Variants in SP140L observed in about 807,000 individuals in gnomAD.
SP140L encodes the protein SP140 like nuclear body protein, also known as nuclear body protein SP140-like protein.
In SP140L, 64 loss-of-function variants were observed where a neutral mutation model predicts 84.3. That is an observed-to-expected ratio of 0.76 (90% CI 0.62 to 0.94). SP140L has a LOEUF of 0.94. Ranked by LOEUF, SP140L falls within the 40% of genes least tolerant of loss-of-function variation. SP140L has a pLI of 0.00. For missense variants in SP140L, 628 were observed against 692.5 expected (o/e 0.91, Z 1.05); for synonymous variants, 242 against 236.9 (o/e 1.02, Z -0.20).
chr2:230,330,269 T>A (rs2059690884), intron 2 of SP140L, among the ~76,000 whole-genome samples: 1 of 152,224 alleles, frequency 6.6e-6, no homozygotes, highest in Non-Finnish European at 1.5e-5. Flanking sequence ...AGGACACCAT[T>A]AATTATCTTA....
intron 5 of SP140L, among the ~76,000 whole-genome samples, chr2:230,363,818 A>G (rs2060793605): frequency 6.6e-6 from 1 of 152,074 alleles, no homozygotes. Flanking sequence ...AAATTTAAAT[A>G]TTTAATCCAT....
chr2:230,357,204 A>C (rs1201367070), intron 2 of SP140L, among the ~76,000 whole-genome samples: 2 of 152,232 alleles, frequency 1.3e-5, no homozygotes, highest in Non-Finnish European at 2.9e-5. Flanking sequence ...ATATTAACAC[A>C]AAGCAGAACC....
chr2:230,389,839 C>A (rs973904448), intron 10 of SP140L, 80 bp from the exon 11 acceptor site: 5 of 1,331,096 alleles, frequency 3.8e-6, no homozygotes, highest in Admixed American at 1.9e-5. Flanking sequence ...ACTCTTTGTG[C>A]CTTTATAGGA....
At chr2:230,357,702 T>C (rs2149730300) in intron 2 of SP140L, 103 bp from the exon 3 acceptor site, 3 of 1,140,700 alleles carry the variant, frequency 2.6e-6, no homozygotes, top group Middle Eastern at 2.1e-4. Context: ...ATTTTATATA[T>C]GTTGGTTCTT....
At chr2:230,328,857 A>G in intron 2 of SP140L, 26 bp downstream of exon 2, 1 of 1,601,728 alleles carries the variant, frequency 6.2e-7, no homozygotes, top group Non-Finnish European at 8.5e-7. Flanking sequence ...AATTTGTTTT[A>G]ATTTGTATTT....
chr2:230,369,771 TG>T (rs200754239), intron 5 of SP140L, among the ~76,000 whole-genome samples: 185 of 152,270 alleles, frequency 1.2e-3, no homozygotes, highest in Admixed American at 5.1e-3. Context: ...TTTGTTTGTT[TG>T]TTTTCTTGTT....
At chr2:230,341,024 T>A (rs1345640534) in intron 2 of SP140L, among the ~76,000 whole-genome samples, 4 of 130,026 alleles carry the variant, frequency 3.1e-5, no homozygotes, top group African/African-American at 3.1e-5. Flanking sequence ...ATTTCCTGAA[T>A]CTGAACATTG....
At chr2:230,369,737 A>G (rs763516560) in intron 5 of SP140L, among the ~76,000 whole-genome samples, 6 of 151,836 alleles carry the variant, frequency 4.0e-5, no homozygotes, top group Admixed American at 3.9e-4. Flanking sequence ...ACAAGTTGAA[A>G]CAGTTACTTC....
At chr2:230,395,965 T>C (rs1380237807) in intron 13 of SP140L, among the ~76,000 whole-genome samples, 1 of 152,238 alleles carries the variant, frequency 6.6e-6, no homozygotes, top group African/African-American at 2.4e-5. Flanking sequence ...GCTGTGTCCC[T>C]AGGGGAGCTG....
chr2:230,347,592 C>G (rs907735739), intron 2 of SP140L, among the ~76,000 whole-genome samples: 1 of 152,134 alleles, frequency 6.6e-6, no homozygotes, highest in Non-Finnish European at 1.5e-5. Context: ...TGAGGCTGGG[C>G]AGGGTTACTA....
chr2:230,392,212 C>A lies in SP140L; in HGVS notation c.1090C>A (p.Leu364Ile). ...RLSVRCGGWP[L>I]RRLMEEGSLP... ...GAGTGTGCGCTGTGGCGGGTGGCCC[C>A]TACGACGGCTGATGGAGGTATTCCA... Residue 364 changes from leucine (L) to isoleucine (I), a missense_variant, in exon 12 of 19, where the codon CTA (leucine) becomes ATA (isoleucine). Transcript: ENST00000415673. The A allele has an allele frequency of 6.2e-7, 1 of 1,613,966 alleles. No individual in the cohort carries two copies. Among genetic ancestry groups the A allele is most frequent in the South Asian group, 1.1e-5 (1 of 91,076 alleles).
In SP140L at chr2:230,388,541, A is replaced by G; in HGVS notation, c.785-18A>G. 2 of 1,591,126 alleles carry G rather than the reference A, an allele frequency of 1.3e-6. No homozygotes were observed. The highest frequency in any genetic ancestry group is 1.7e-6 in the Non-Finnish European group (2 of 1,170,436). Reference sequence around the variant, plus strand: ...GCTGCTCATTTGTAACTGTGATTTTATTATTCTACTTTCTCAGGGAGAAAG... The same window carrying G: ...GCTGCTCATTTGTAACTGTGATTTTGTTATTCTACTTTCTCAGGGAGAAAG... On this transcript the variant is annotated intron_variant, in intron 9 of 18. Coordinates refer to ENST00000415673, the MANE Select transcript of SP140L (RefSeq NM_138402.6).
intron 2 of SP140L, among the ~76,000 whole-genome samples, chr2:230,345,286 T>G (rs1175437843): frequency 6.6e-6 from 1 of 152,236 alleles, no homozygotes; most frequent in Non-Finnish European, 1.5e-5. Flanking sequence ...TTTTACTTAA[T>G]GTGTATTTTG....
intron 5 of SP140L, among the ~76,000 whole-genome samples, chr2:230,363,418 T>A (rs2060780224): frequency 6.6e-6 from 1 of 152,196 alleles, no homozygotes; most frequent in African/African-American, 2.4e-5. Flanking sequence ...TGATTTGTGA[T>A]GCTGGGCATT....
At position 230,385,286 on chromosome 2, in the gene SP140L, G is replaced by A; in HGVS notation, c.766G>A (p.Asp256Asn). 1 of 1,613,680 alleles carries A rather than the reference G, an allele frequency of 6.2e-7. No individual in the cohort carries two copies. The highest frequency in any genetic ancestry group is 8.5e-7 in the Non-Finnish European group (1 of 1,179,700). Residue 256 changes from aspartate to asparagine, a missense_variant, in exon 9 of 19, where the codon GAC becomes AAC. Physicochemically the swap from Asp to Asn is conservative, Grantham distance 23. Transcript: ENST00000415673. ...SEKKANMNLK[D>N]LSKIRGRKRG... is the part of the protein sequence containing the mutation. ...AAAGAAGGCGAACATGAATCTGAAA[G>A]ACCTTTCCAAGATTAGGGGTAAGAT...
intron 2 of SP140L, among the ~76,000 whole-genome samples, chr2:230,349,422 G>A (rs750062475): frequency 3.9e-5 from 6 of 152,086 alleles, no homozygotes; most frequent in Non-Finnish European, 7.4e-5. Context: ...AATTTTGATA[G>A]GAATCACATT....
Position 230,376,279 on chromosome 2 carries a change from A to T in SP140L, c.637+4628A>T, listed in dbSNP as rs546238332. Among the ~76,000 whole-genome samples, 3 of 152,320 alleles carry T rather than the reference A, an allele frequency of 2.0e-5. No homozygotes were observed. In the East Asian group the frequency reaches 5.8e-4, roughly 29 times the overall value. ...TCAGAGCAATTAGGCAAGAAAAAAA[A>T]GTCATCCAAATTGGAAAGAAGTTAA... On this transcript the variant is annotated intron_variant, in intron 7 of 18. Coordinates refer to ENST00000415673, the MANE Select transcript of SP140L (RefSeq NM_138402.6).
intron 5 of SP140L, among the ~76,000 whole-genome samples, chr2:230,364,297 G>A (rs1056970676): frequency 6.6e-6 from 1 of 151,968 alleles, no homozygotes; most frequent in Admixed American, 6.5e-5. Context: ...CATGAACATG[G>A]GGTATCTTTC....
intron 11 of SP140L, among the ~76,000 whole-genome samples, chr2:230,390,665 C>A (rs140012154): frequency 6.6e-6 from 1 of 152,212 alleles, no homozygotes; most frequent in East Asian, 1.9e-4. Flanking sequence ...CTTAACTTGG[C>A]TCTTTGAGCA....
Sources: allele counts gnomAD v4.1 joint callset (sites outside exome capture counted in the v4.1 genomes callset), GRCh38; gene constraint gnomAD v4.1.1; transcripts MANE v1.5; gene names NCBI Gene and HGNC (gene_info 2026-07-23, HGNC 2026-07-21).